Variants in ADCY5 observed in about 807,000 individuals in gnomAD.
ADCY5 encodes adenylate cyclase 5.
ADCY5 carries 30 observed loss-of-function variants against 119.7 expected under a neutral mutation model. That is an observed-to-expected ratio of 0.25 (90% CI 0.19 to 0.34). The LOEUF (loss-of-function observed/expected upper bound fraction) is 0.34. Ranked by LOEUF, ADCY5 falls within the 10% of genes least tolerant of loss-of-function variation. ADCY5 has a pLI of 1.00. For synonymous variants in ADCY5, 753 were observed against 762.2 expected (o/e 0.99, Z 0.20); for missense variants, 1,324 against 1,775.2 (o/e 0.75, Z 4.57).
At chr3:123,285,030 G>T (rs1037042388) in intron 20 of ADCY5, among the ~76,000 whole-genome samples, 2 of 152,330 alleles carry the variant, frequency 1.3e-5, no homozygotes, top group South Asian at 2.1e-4. Context: ...TGGACTGACT[G>T]CCCTGAGTCC....
At chr3:123,410,923 C>T (rs972827349) in intron 1 of ADCY5, among the ~76,000 whole-genome samples, 2 of 152,296 alleles carry the variant, frequency 1.3e-5, no homozygotes, top group African/African-American at 2.4e-5. Context: ...GCTGGGATTA[C>T]AGACGTGAGC....
At chr3:123,412,874 C>T (rs16834258) in intron 1 of ADCY5, among the ~76,000 whole-genome samples, 3,886 of 152,156 alleles carry the variant, frequency 0.026, 182 homozygotes, top group African/African-American at 0.09. Context: ...CCCTAAATAG[C>T]CCCGTCCAGG....
chr3:123,383,297 G>T (rs1944095473), intron 1 of ADCY5, among the ~76,000 whole-genome samples: 1 of 152,310 alleles, frequency 6.6e-6, no homozygotes, highest in Non-Finnish European at 1.5e-5. Context: ...GAAAGGGAGG[G>T]AGGAGGCATC....
intron 11 of ADCY5, among the ~76,000 whole-genome samples, chr3:123,316,847 G>A (rs892190260): frequency 6.6e-6 from 1 of 151,938 alleles, no homozygotes; most frequent in Non-Finnish European, 1.5e-5. Flanking sequence ...GTTTTTAGGG[G>A]TAAATGTCTT....
chr3:123,383,857 GCA>G (rs1273129077), intron 1 of ADCY5, among the ~76,000 whole-genome samples: 33 of 148,576 alleles, frequency 2.2e-4, no homozygotes, highest in African/African-American at 6.7e-4. Context: ...CTCAAGGCAC[GCA>G]CACACACACA....
chr3:123,324,246 T>C (rs1284361245), intron 8 of ADCY5, among the ~76,000 whole-genome samples: 2 of 152,138 alleles, frequency 1.3e-5, no homozygotes, highest in African/African-American at 4.8e-5. Flanking sequence ...TGTCCCCTTC[T>C]CCAGGCTCCT....
chr3:123,348,778 G>A (rs1172945948), intron 2 of ADCY5, among the ~76,000 whole-genome samples: 2 of 152,276 alleles, frequency 1.3e-5, no homozygotes, highest in East Asian at 3.9e-4. Context: ...AAGATGCCCA[G>A]CTGCCTCCCT....
intron 5 of ADCY5, among the ~76,000 whole-genome samples, chr3:123,329,627 G>A (rs979401200): frequency 2.0e-5 from 3 of 152,054 alleles, no homozygotes; most frequent in African/African-American, 7.2e-5. Flanking sequence ...ACTTTCTAGG[G>A]CCCTAGACCC....
In ADCY5 at chr3:123,290,100, C is replaced by T. The variant is rs568668241; in HGVS notation, c.3328-146G>A. 29 of 798,152 alleles carry T rather than the reference C, an allele frequency of 3.6e-5. No individual in the cohort carries two copies. In the South Asian group the frequency reaches 4.8e-4, roughly 13 times the overall value. The allele number at this position is 798,152 out of a possible 1,614,324, so 49.4% of individuals were successfully genotyped here. Reference sequence around the variant, plus strand: ...CAGTGGGGCCTGTCTCCATCCTCATCAGTGTGATGCCCGCAACGCTCCTGA... The same window carrying T: ...CAGTGGGGCCTGTCTCCATCCTCATTAGTGTGATGCCCGCAACGCTCCTGA... On this transcript the variant is annotated intron_variant, in intron 18 of 20. Transcript: ENST00000462833.
intron 1 of ADCY5, among the ~76,000 whole-genome samples, chr3:123,396,366 G>A (rs1226917901): frequency 1.5e-5 from 2 of 129,656 alleles, no homozygotes; most frequent in Non-Finnish European, 3.2e-5. Context: ...AAGGGAGGGA[G>A]GAAGAAGGAA....
rs756306432 is a variant in ADCY5 at position 123,447,625 on chromosome 3, G to C, written c.921C>G (p.Ala307=). The C allele has an allele frequency of 6.2e-7, 1 of 1,607,922 alleles. No homozygotes were observed. The highest frequency in any genetic ancestry group is 1.1e-5 in the South Asian group (1 of 90,456). The part of the protein sequence containing the change: ...HMGLACYALI[A]VVLAVQVVGL... Reference sequence around the variant, plus strand: ...CCACCACCTGGACGGCCAGCACCACGGCGATGAGCGCATAGCAGGCCAGGC... The same window carrying C: ...CCACCACCTGGACGGCCAGCACCACCGCGATGAGCGCATAGCAGGCCAGGC... The change falls in exon 1 of 21, where the codon GCC becomes GCG. Residue 307 remains alanine, a synonymous_variant. Coordinates refer to ENST00000462833, the MANE Select transcript of ADCY5 (RefSeq NM_183357.3).
chr3:123,316,853 G>C lies in ADCY5; in HGVS notation c.2354+1167C>G, dbSNP rs1392564798. 2.0e-5 allele frequency among the ~76,000 whole-genome samples: 3 copies of C among 152,168 alleles called. No homozygotes were observed. In the East Asian group the frequency reaches 5.8e-4, roughly 29 times the overall value. The stretch of plus-strand genomic sequence containing the variant: ...TATATTGAGGTTTTTAGGGGTAAAT[G>C]TCTTTGTCTAAATTTACTTTTAAAA... On this transcript the variant is annotated intron_variant, in intron 11 of 20. Transcript: ENST00000462833.
At chr3:123,401,203 G>C (rs1182588413) in intron 1 of ADCY5, among the ~76,000 whole-genome samples, 1 of 152,128 alleles carries the variant, frequency 6.6e-6, no homozygotes, top group African/African-American at 2.4e-5. Context: ...ACATAGCAAA[G>C]ATCCTGGATT....
intron 12 of ADCY5, among the ~76,000 whole-genome samples, chr3:123,307,588 G>A (rs1397329113): frequency 6.6e-6 from 1 of 152,170 alleles, no homozygotes; most frequent in Non-Finnish European, 1.5e-5. Flanking sequence ...GAAATGGTAT[G>A]ACAGATGGTT....
At chr3:123,350,755 C>T (rs1302103765) in intron 2 of ADCY5, among the ~76,000 whole-genome samples, 1 of 152,210 alleles carries the variant, frequency 6.6e-6, no homozygotes, top group Non-Finnish European at 1.5e-5. Flanking sequence ...CCCCTAAATC[C>T]CTGTGGATTT....
At chr3:123,435,701 A>C (rs2107649335) in intron 1 of ADCY5, among the ~76,000 whole-genome samples, 1 of 152,170 alleles carries the variant, frequency 6.6e-6, no homozygotes, top group East Asian at 1.9e-4. Context: ...ACAGAAAGCC[A>C]CACATTTTTA....
chr3:123,373,655 T>G (rs1371305177), intron 1 of ADCY5, among the ~76,000 whole-genome samples: 2 of 152,156 alleles, frequency 1.3e-5, no homozygotes, highest in African/African-American at 4.8e-5. Context: ...TAAATTGCTC[T>G]TGTCAAAACA....
At chr3:123,360,242 C>T (rs1477994290) in intron 1 of ADCY5, among the ~76,000 whole-genome samples, 1 of 152,048 alleles carries the variant, frequency 6.6e-6, no homozygotes, top group African/African-American at 2.4e-5. Context: ...AGGTGGCCAG[C>T]TCTATACCAC....
At chr3:123,366,275 T>C (rs1003382644) in intron 1 of ADCY5, among the ~76,000 whole-genome samples, 22 of 152,180 alleles carry the variant, frequency 1.4e-4, no homozygotes, top group Non-Finnish European at 3.1e-4. Flanking sequence ...ACCTGGAGCA[T>C]AGTGGATGAG....
Sources: gnomAD v4.1 joint callset for allele counts (sites outside exome capture counted in the v4.1 genomes callset) on GRCh38, gnomAD v4.1.1 for gene constraint, MANE v1.5 for transcripts, NCBI Gene and HGNC (gene_info 2026-07-23, HGNC 2026-07-21) for gene names.